The following NTMT2 variants were observed in gnomAD, a reference collection of about 807,000 sequenced individuals.
NTMT2 encodes the protein N-terminal Xaa-Pro-Lys N-methyltransferase 2, also known as X-Pro-Lys N-terminal protein methyltransferase 1B.
Under a neutral mutation model 23.4 loss-of-function variants are expected in NTMT2, and 21 were observed. The observed-to-expected ratio is 0.90, with a 90% CI of 0.64 to 1.29. The LOEUF (loss-of-function observed/expected upper bound fraction) is 1.29, where lower values mean the gene tolerates loss of function less well. Among genes scored for constraint, NTMT2 ranks in the 50% most tolerant of loss-of-function variants. The pLI is 0.00. For missense variants in NTMT2, 336 were observed against 352.0 expected, an observed-to-expected ratio of 0.95 and a Z score of 0.36; for synonymous variants, 131 against 127.7, an observed-to-expected ratio of 1.03 and a Z score of -0.17.
At chr1:170,156,207 G>A (rs471156) in intron 1 of NTMT2, among the ~76,000 whole-genome samples, 151,667 of 152,244 alleles carry the variant, frequency 1, 75,550 homozygotes, top group Middle Eastern at 1. Flanking sequence ...TGCATGCCCA[G>A]CGCATTTTTT....
intron 1 of NTMT2, among the ~76,000 whole-genome samples, chr1:170,146,516 G>C (rs1672967927): frequency 6.6e-6 from 1 of 152,060 alleles, no homozygotes; most frequent in African/African-American, 2.4e-5. Flanking sequence ...GCTTCTCTGG[G>C]TGTCTGTTGC....
At position 170,156,818 on chromosome 1, in the gene NTMT2, C is replaced by T. The variant is rs184192143; in HGVS notation, c.155-3700C>T. Among the ~76,000 whole-genome samples, 12 of 152,006 alleles carry T rather than the reference C, an allele frequency of 7.9e-5. No homozygotes were observed. In the South Asian group the frequency reaches 1.0e-3, roughly 13 times the overall value. On this transcript the variant is annotated intron_variant, in intron 1 of 3. Coordinates refer to ENST00000439373, the MANE Select transcript of NTMT2 (RefSeq NM_001136107.2). ...ATAAAAGCCCACCTATTGAGTCTGA[C>T]GCCTGCTGAGATTGGCATTCACTTG... is the stretch of plus-strand genomic sequence containing the variant.
Position 170,166,642 on chromosome 1 carries a change from C to T in NTMT2, c.471C>T (p.Asn157=). Residue 157 remains asparagine (N), a synonymous_variant, in exon 3 of 4, where the codon AAC becomes AAT. Coordinates refer to ENST00000439373, the MANE Select transcript of NTMT2 (RefSeq NM_001136107.2). ...MMESFLLEAQ[N]YLQVKGDKVE... ...AATCCTTTCTCCTTGAAGCCCAGAA[C>T]TACCTGCAGGTCAAAGGTGACAAAG... The T allele has an allele frequency of 6.4e-7, 1 of 1,552,176 alleles. No individual in the cohort carries two copies. Among genetic ancestry groups the T allele is most frequent in the South Asian group, 1.2e-5 (1 of 84,058 alleles).
chr1:170,148,885 G>A (rs1207215936), intron 1 of NTMT2, among the ~76,000 whole-genome samples: 2 of 152,090 alleles, frequency 1.3e-5, no homozygotes, highest in East Asian at 3.9e-4. Flanking sequence ...AAAAACTTCA[G>A]CCCCAAAGGA....
intron 1 of NTMT2, among the ~76,000 whole-genome samples, chr1:170,156,069 G>A (rs561960074): frequency 6.6e-6 from 1 of 152,200 alleles, no homozygotes; most frequent in African/African-American, 2.4e-5. Flanking sequence ...AAAATTCTGA[G>A]TTTTATCCAG....
intron 3 of NTMT2, 51 bp from the exon 4 acceptor site, chr1:170,167,435 T>C (rs987465644): frequency 1.4e-6 from 2 of 1,471,298 alleles, no homozygotes; most frequent in Non-Finnish European, 1.8e-6. Context: ...TCACCTTCCA[T>C]CCTCCCCACC....
intron 1 of NTMT2, among the ~76,000 whole-genome samples, chr1:170,151,924 T>A (rs1673077099): frequency 6.6e-6 from 1 of 152,208 alleles, no homozygotes; most frequent in Non-Finnish European, 1.5e-5. Context: ...TTTGATCATC[T>A]ATAGTTACTA....
chr1:170,158,506 A>G (rs368856927), intron 1 of NTMT2, among the ~76,000 whole-genome samples: 1 of 151,170 alleles, frequency 6.6e-6, no homozygotes, highest in Non-Finnish European at 1.5e-5. Context: ...TCTTCTTACT[A>G]CTCTTTCTGT....
At chr1:170,162,508 A>C (rs1229590174) in intron 2 of NTMT2, among the ~76,000 whole-genome samples, 1 of 152,016 alleles carries the variant, frequency 6.6e-6, no homozygotes, top group Non-Finnish European at 1.5e-5. Context: ...CTAGGAATGA[A>C]GACTGTGGAT....
rs138142057 is a variant in NTMT2, at chr1:170,146,159, G to A, written c.52G>A (p.Asp18Asn). The change falls in exon 1 of 4, where the codon GAC becomes AAC. Residue 18 changes from aspartate (D) to asparagine (N), a missense_variant. Physicochemically the swap from Asp to Asn is conservative, Grantham distance 23 (BLOSUM62 1). Coordinates refer to ENST00000439373, the MANE Select transcript of NTMT2 (RefSeq NM_001136107.2). ...FAFRSRWQKT[D>N]DELCRHSMSF... is the part of the protein sequence containing the mutation. ...CTTTAGATCCCGCTGGCAGAAGACC[G>A]ACGATGAACTCTGTAGACATAGCAT... The A allele has an allele frequency of 5.6e-5, 87 of 1,551,370 alleles. 1 individual carries two copies. In the East Asian group the frequency reaches 1.2e-3, roughly 21 times the overall value.
chr1:170,153,860 A>G (rs1314056437), intron 1 of NTMT2, among the ~76,000 whole-genome samples: 1 of 152,220 alleles, frequency 6.6e-6, no homozygotes, highest in Non-Finnish European at 1.5e-5. Context: ...AGAGATTTGC[A>G]TGACTAAAAG....
At chr1:170,147,936 T>C (rs1396159548) in intron 1 of NTMT2, among the ~76,000 whole-genome samples, 1 of 152,210 alleles carries the variant, frequency 6.6e-6, no homozygotes, top group Non-Finnish European at 1.5e-5. Context: ...TGTGTTTTTC[T>C]CCTTTGTAAA....
chr1:170,161,037 G>A (rs1438093831), intron 2 of NTMT2, among the ~76,000 whole-genome samples: 1 of 152,172 alleles, frequency 6.6e-6, no homozygotes, highest in Non-Finnish European at 1.5e-5. Context: ...AATGATTGAT[G>A]ACAGATCATG....
At chr1:170,165,882 A>G (rs2102242537) in intron 2 of NTMT2, among the ~76,000 whole-genome samples, 1 of 151,768 alleles carries the variant, frequency 6.6e-6, no homozygotes, top group African/African-American at 2.4e-5. Context: ...TTTAAACCTA[A>G]GATATTATTT....
chr1:170,151,693 A>AT (rs1673070985), intron 1 of NTMT2, among the ~76,000 whole-genome samples: 1 of 152,092 alleles, frequency 6.6e-6, no homozygotes, highest in African/African-American at 2.4e-5. Context: ...TAGCAGACAT[A>AT]TTTTTAGGTG....
At chr1:170,148,025 T>G (rs902705550) in intron 1 of NTMT2, among the ~76,000 whole-genome samples, 2 of 152,112 alleles carry the variant, frequency 1.3e-5, no homozygotes, top group Non-Finnish European at 2.9e-5. Flanking sequence ...GACAAAATAT[T>G]CCACTGACGC....
At chr1:170,152,221 TA>T (rs1444921698) in intron 1 of NTMT2, among the ~76,000 whole-genome samples, 1 of 152,160 alleles carries the variant, frequency 6.6e-6, no homozygotes, top group African/African-American at 2.4e-5. Flanking sequence ...AAATACTTTT[TA>T]AAAATGTGGT....
chr1:170,151,253 T>C lies in NTMT2; in HGVS notation c.154+4992T>C, dbSNP rs1220142416. 5 of 153,162 alleles carry C rather than the reference T, an allele frequency of 3.3e-5. No individual in the cohort carries two copies. The East Asian group carries it at 9.9e-4, about 30-fold the overall frequency. The allele number at this position is 153,162 out of a possible 1,614,324, so 9.5% of individuals were successfully genotyped here. On this transcript the variant is annotated intron_variant, in intron 1 of 3. Coordinates refer to ENST00000439373, the MANE Select transcript of NTMT2 (RefSeq NM_001136107.2). ...TTATAATTCTAGTCTTATATAATCA[T>C]TGTGATAGTTAAAAGAGACAATGTG...
intron 1 of NTMT2, among the ~76,000 whole-genome samples, chr1:170,159,686 T>C (rs1480088823): frequency 6.6e-6 from 1 of 152,152 alleles, no homozygotes; most frequent in African/African-American, 2.4e-5. Context: ...GACAAATGCA[T>C]GTACTCAGCC....
Sources: gnomAD v4.1 joint callset for allele counts (sites outside exome capture counted in the v4.1 genomes callset) on GRCh38, gnomAD v4.1.1 for gene constraint, MANE v1.5 for transcripts, NCBI Gene and HGNC (gene_info 2026-07-23, HGNC 2026-07-21) for gene names.